The following GPATCH2 variants were observed in gnomAD, a reference collection of about 807,000 sequenced individuals.
GPATCH2 encodes the protein G-patch domain containing 2.
GPATCH2 carries 51 observed loss-of-function variants against 58.0 expected under a neutral mutation model. The ratio of observed to expected loss-of-function variants is 0.88; its 90% CI spans 0.70 to 1.11. The LOEUF is 1.11. Ranked by LOEUF, GPATCH2 falls within the 50% of genes most tolerant of loss-of-function variation. The pLI is 0.00. For missense variants in GPATCH2, 625 were observed against 652.2 expected (o/e 0.96, Z 0.45); for synonymous variants, 222 against 218.5 (o/e 1.02, Z -0.14).
At chr1:217,614,431 G>C (rs1268172480) in intron 2 of GPATCH2, among the ~76,000 whole-genome samples, 4 of 151,906 alleles carry the variant, frequency 2.6e-5, no homozygotes, top group Non-Finnish European at 5.9e-5. Context: ...GACCCTGACA[G>C]TAAGCCAGAT....
intron 5 of GPATCH2, among the ~76,000 whole-genome samples, chr1:217,558,982 C>T (rs182202241): frequency 6.6e-6 from 1 of 152,136 alleles, no homozygotes; most frequent in African/African-American, 2.4e-5. Flanking sequence ...CTTCAGGCCC[C>T]CATTATCACT....
At chr1:217,494,341 C>T (rs1467442086) in intron 7 of GPATCH2, among the ~76,000 whole-genome samples, 2 of 152,170 alleles carry the variant, frequency 1.3e-5, no homozygotes, top group Admixed American at 6.6e-5. Flanking sequence ...CTACAGAGAT[C>T]TCTGGGTCAT....
chr1:217,611,673 T>C (rs1275934516), intron 3 of GPATCH2, among the ~76,000 whole-genome samples: 1 of 152,080 alleles, frequency 6.6e-6, no homozygotes, highest in Non-Finnish European at 1.5e-5. Context: ...GTATGGAGTG[T>C]AAAAGGGGAA....
At chr1:217,505,836 T>G (rs1425494579) in intron 6 of GPATCH2, among the ~76,000 whole-genome samples, 1 of 152,180 alleles carries the variant, frequency 6.6e-6, no homozygotes, top group African/African-American at 2.4e-5. Context: ...TTTATTTATT[T>G]TTTTGAGACA....
chr1:217,526,356 C>A (rs991201848), intron 5 of GPATCH2, among the ~76,000 whole-genome samples: 8 of 152,070 alleles, frequency 5.3e-5, no homozygotes, highest in Admixed American at 5.2e-4. Flanking sequence ...CAGTTCAAGA[C>A]CTTACTATAC....
At chr1:217,562,051 G>A (rs1329298579) in intron 5 of GPATCH2, among the ~76,000 whole-genome samples, 2 of 152,094 alleles carry the variant, frequency 1.3e-5, no homozygotes, top group African/African-American at 2.4e-5. Context: ...CCAAAGCCCC[G>A]CAGTGCAAGA....
chr1:217,462,630 T>A (rs977293107), intron 8 of GPATCH2, among the ~76,000 whole-genome samples: 4 of 152,214 alleles, frequency 2.6e-5, no homozygotes, highest in Admixed American at 2.0e-4. Context: ...CATAGGGTAA[T>A]ACTGGAAATT....
In GPATCH2 at chr1:217,428,707, G is replaced by C. The variant is rs1018866489; in HGVS notation, c.*2438C>G. ...TTTTAAGTCCTCTGTGAATCACATAGAGGGCTCTAGGTGTCAAGATGAAGA... is the reference window on the plus strand; with the variant it reads ...TTTTAAGTCCTCTGTGAATCACATACAGGGCTCTAGGTGTCAAGATGAAGA... On this transcript the variant is annotated 3_prime_UTR_variant, in exon 10 of 10. Transcript: ENST00000366935. 4 of 152,168 alleles carry C rather than the reference G, an allele frequency of 2.6e-5. No homozygotes were observed. Among genetic ancestry groups the C allele is most frequent in the African/African-American group, 9.7e-5 (4 of 41,430 alleles). The allele number at this position is 152,168 out of a possible 1,614,324, so 9.4% of individuals were successfully genotyped here. A position where few individuals can be genotyped will look rare whatever the true frequency, so the allele number is the denominator to read the frequency against.
intron 9 of GPATCH2, among the ~76,000 whole-genome samples, chr1:217,448,192 T>C (rs1308489452): frequency 6.6e-6 from 1 of 152,060 alleles, no homozygotes; most frequent in Non-Finnish European, 1.5e-5. Flanking sequence ...AAACCATGCA[T>C]ATACTTACAT....
intron 7 of GPATCH2, among the ~76,000 whole-genome samples, chr1:217,498,026 T>C (rs1463167766): frequency 2.0e-5 from 3 of 152,202 alleles, no homozygotes; most frequent in Non-Finnish European, 4.4e-5. Context: ...CAAATTAATT[T>C]TTAAGCACAT....
intron 9 of GPATCH2, among the ~76,000 whole-genome samples, chr1:217,441,663 C>G (rs1464453322): frequency 6.6e-6 from 1 of 151,938 alleles, no homozygotes; most frequent in East Asian, 1.9e-4. Context: ...GTCAAACAAC[C>G]CCATCAAAAA....
chr1:217,612,016 CA>C lies in GPATCH2; in HGVS notation c.836-946del, dbSNP rs1043832245. Among the ~76,000 whole-genome samples the C allele has an allele frequency of 1.8e-3, 278 of 151,872 alleles. 2 individuals are homozygous for C. Among genetic ancestry groups the C allele is most frequent in the Non-Finnish European group, 5.3e-4 (36 of 67,932 alleles). ...GCAAGAAAGCGAGACCCTGTCTCTA[CA>C]AAAAGATTAAAAATTAGCCGGGCAT... On this transcript the variant is annotated intron_variant, in intron 3 of 9. Coordinates refer to ENST00000366935, the MANE Select transcript of GPATCH2 (RefSeq NM_018040.5).
intron 5 of GPATCH2, among the ~76,000 whole-genome samples, chr1:217,552,052 A>G (rs1326017389): frequency 6.6e-6 from 1 of 152,150 alleles, no homozygotes; most frequent in Non-Finnish European, 1.5e-5. Flanking sequence ...ATTACCTATC[A>G]GTTACTAACA....
chr1:217,569,800 A>C (rs542498221), intron 5 of GPATCH2, among the ~76,000 whole-genome samples: 1 of 152,272 alleles, frequency 6.6e-6, no homozygotes, highest in South Asian at 2.1e-4. Flanking sequence ...GCACAAACTC[A>C]TCAGAATACC....
At chr1:217,473,708 T>C (rs1407051204) in intron 8 of GPATCH2, among the ~76,000 whole-genome samples, 1 of 151,016 alleles carries the variant, frequency 6.6e-6, no homozygotes, top group Non-Finnish European at 1.5e-5. Flanking sequence ...ATAATCAACA[T>C]GATATAAGCA....
At chr1:217,498,249 G>C (rs1282869232) in intron 7 of GPATCH2, 107 bp downstream of exon 7, 31 of 858,398 alleles carry the variant, frequency 3.6e-5, no homozygotes, top group Non-Finnish European at 5.1e-5. Flanking sequence ...TAAAATGAGC[G>C]GGGATTTGTA....
Position 217,566,617 on chromosome 1 carries a change from T to C in GPATCH2, c.1098+43704A>G, listed in dbSNP as rs557536357. Among the ~76,000 whole-genome samples, 357 of 152,270 alleles carry C rather than the reference T, an allele frequency of 2.3e-3. 2 individuals carry two copies. Among genetic ancestry groups the C allele is most frequent in the Non-Finnish European group, 3.9e-3 (266 of 68,004 alleles). On this transcript the variant is annotated intron_variant, in intron 5 of 9. Coordinates refer to ENST00000366935, the MANE Select transcript of GPATCH2 (RefSeq NM_018040.5). ...AATTATTAATGAAACATATGGAAAA[T>C]ATCCATTCCTTTGTTTACTTTCCTT...
At chr1:217,522,139 T>C (rs1238614909) in intron 5 of GPATCH2, among the ~76,000 whole-genome samples, 2 of 152,204 alleles carry the variant, frequency 1.3e-5, no homozygotes, top group Non-Finnish European at 2.9e-5. Context: ...TAAATCTTCA[T>C]TGTAAACAAT....
chr1:217,603,594 T>C (rs1343721627), intron 5 of GPATCH2, among the ~76,000 whole-genome samples: 2 of 152,084 alleles, frequency 1.3e-5, no homozygotes, highest in African/African-American at 4.8e-5. Flanking sequence ...GTAAATGACA[T>C]CAAAATAGAG....
Sources: allele counts gnomAD v4.1 joint callset (sites outside exome capture counted in the v4.1 genomes callset), GRCh38; gene constraint gnomAD v4.1.1; transcripts MANE v1.5; gene names NCBI Gene and HGNC (gene_info 2026-07-23, HGNC 2026-07-21).